Variants in ZNF704 observed in about 807,000 individuals in gnomAD.
The protein encoded by ZNF704 is zinc finger protein 704.
Under a neutral mutation model 44.7 loss-of-function variants are expected in ZNF704, and 10 were observed. The observed-to-expected ratio is 0.22, with a 90% CI of 0.14 to 0.38. ZNF704 has a LOEUF of 0.38. Ranked by LOEUF, ZNF704 falls within the 10% of genes least tolerant of loss-of-function variation. The pLI is 1.00. For missense variants in ZNF704, 390 were observed against 545.5 expected (o/e 0.71, Z 2.84); for synonymous variants, 211 against 207.6 (o/e 1.02, Z -0.14).
At chr8:80,745,216 G>A (rs1806824869) in intron 2 of ZNF704, among the ~76,000 whole-genome samples, 1 of 152,118 alleles carries the variant, frequency 6.6e-6, no homozygotes, top group Non-Finnish European at 1.5e-5. Flanking sequence ...TAATTCAGGA[G>A]CTAAATAGTT....
At chr8:80,685,552 G>C (rs1818521499) in intron 4 of ZNF704, among the ~76,000 whole-genome samples, 1 of 152,182 alleles carries the variant, frequency 6.6e-6, no homozygotes, top group African/African-American at 2.4e-5. Context: ...ACTGATACAA[G>C]TGCCAGCCTC....
chr8:80,687,142 G>T lies in ZNF704; in HGVS notation c.558+84C>A. On this transcript the variant is annotated intron_variant, in intron 4 of 8. Coordinates refer to ENST00000327835, the MANE Select transcript of ZNF704 (RefSeq NM_001033723.3). ...CACAGAAAGGGGGTGTAGGTCCAAGGTTAAGCTCACACCGGCCCTTCAGAG... is the reference window on the plus strand; with the variant it reads ...CACAGAAAGGGGGTGTAGGTCCAAGTTTAAGCTCACACCGGCCCTTCAGAG... 2.5e-6 allele frequency: 3 copies of T among 1,214,298 alleles called. No homozygotes were observed. In the Admixed American group the frequency reaches 5.9e-5, roughly 24 times the overall value. The allele number at this position is 1,214,298 out of a possible 1,614,324, so 75.2% of individuals were successfully genotyped here. A position where few individuals can be genotyped will look rare whatever the true frequency, so the allele number is the denominator to read the frequency against.
intron 2 of ZNF704, among the ~76,000 whole-genome samples, chr8:80,807,106 C>G (rs924373355): frequency 1.3e-5 from 2 of 152,164 alleles, no homozygotes; most frequent in Non-Finnish European, 2.9e-5. Context: ...AATACAGCAC[C>G]ATAATTCCAT....
chr8:80,717,133 G>A (rs1027454177), intron 2 of ZNF704, among the ~76,000 whole-genome samples: 1 of 152,180 alleles, frequency 6.6e-6, no homozygotes, highest in African/African-American at 2.4e-5. Context: ...GAAAATACAT[G>A]TGTGAAATGT....
chr8:80,725,041 C>T (rs1014778870), intron 2 of ZNF704, among the ~76,000 whole-genome samples: 3 of 152,290 alleles, frequency 2.0e-5, no homozygotes, highest in African/African-American at 7.2e-5. Context: ...TACCCCTTCA[C>T]CAAAGTGCAA....
intron 6 of ZNF704, among the ~76,000 whole-genome samples, chr8:80,663,774 T>A (rs1818140300): frequency 6.6e-6 from 1 of 152,172 alleles, no homozygotes; most frequent in Non-Finnish European, 1.5e-5. Context: ...TCACCCAGGC[T>A]GGAGTGCAGT....
chr8:80,751,681 A>C (rs908959009), intron 2 of ZNF704, among the ~76,000 whole-genome samples: 2 of 152,214 alleles, frequency 1.3e-5, no homozygotes, highest in African/African-American at 4.8e-5. Context: ...TTCAGCATCA[A>C]AAATCACTGT....
At chr8:80,737,023 C>A (rs1306277733) in intron 2 of ZNF704, among the ~76,000 whole-genome samples, 2 of 151,382 alleles carry the variant, frequency 1.3e-5, no homozygotes, top group African/African-American at 4.9e-5. Flanking sequence ...AATGGGAGGA[C>A]CAGAATATCA....
chr8:80,804,466 C>A (rs368613480), intron 2 of ZNF704, among the ~76,000 whole-genome samples: 2 of 152,040 alleles, frequency 1.3e-5, no homozygotes, highest in African/African-American at 4.8e-5. Context: ...AAATGTGATA[C>A]ATATATACCA....
At chr8:80,807,311 C>T (rs1184113248) in intron 2 of ZNF704, among the ~76,000 whole-genome samples, 1 of 152,054 alleles carries the variant, frequency 6.6e-6, no homozygotes, top group Non-Finnish European at 1.5e-5. Flanking sequence ...CCAGGGGCTG[C>T]TGCTTGTCAC....
chr8:80,873,456 C>T (rs1409286913), intron 1 of ZNF704: 6 of 152,014 alleles, frequency 3.9e-5, no homozygotes, highest in Non-Finnish European at 8.8e-5. Context: ...GCTGACCGTC[C>T]TCGGCCAGGC....
intron 2 of ZNF704, among the ~76,000 whole-genome samples, chr8:80,755,401 G>C: frequency 6.6e-6 from 1 of 152,164 alleles, no homozygotes; most frequent in East Asian, 1.9e-4. Context: ...ATAGCAGTGA[G>C]CCGAGATCGT....
At chr8:80,821,838 C>CA (rs1218779892) in intron 1 of ZNF704, among the ~76,000 whole-genome samples, 8 of 152,116 alleles carry the variant, frequency 5.3e-5, no homozygotes, top group Non-Finnish European at 1.0e-4. Context: ...CACAAACACA[C>CA]AAAAAAATGC....
chr8:80,704,069 T>C (rs1034723483), intron 2 of ZNF704, among the ~76,000 whole-genome samples: 1 of 152,212 alleles, frequency 6.6e-6, no homozygotes, highest in Admixed American at 6.5e-5. Flanking sequence ...TTTGTTCCAG[T>C]GTCTGTGATA....
At chr8:80,873,891 G>A (rs1176947501) in intron 1 of ZNF704, among the ~76,000 whole-genome samples, 1 of 145,508 alleles carries the variant, frequency 6.9e-6, no homozygotes, top group East Asian at 2.0e-4. Flanking sequence ...CAGCTCTCCG[G>A]GGCGGGCGCC....
intron 2 of ZNF704, among the ~76,000 whole-genome samples, chr8:80,709,880 G>A (rs1225477846): frequency 6.6e-6 from 1 of 152,208 alleles, no homozygotes; most frequent in Non-Finnish European, 1.5e-5. Flanking sequence ...CACAGTAGCA[G>A]CTTCGCTTGT....
intron 7 of ZNF704, among the ~76,000 whole-genome samples, chr8:80,658,312 C>T (rs2131603820): frequency 6.6e-6 from 1 of 151,498 alleles, no homozygotes; most frequent in South Asian, 2.1e-4. Context: ...CTGTGGCTGC[C>T]ATTTTAGGTT....
intron 7 of ZNF704, among the ~76,000 whole-genome samples, chr8:80,646,142 A>G (rs1817830305): frequency 6.6e-6 from 1 of 152,232 alleles, no homozygotes; most frequent in South Asian, 2.1e-4. Flanking sequence ...TACCCAGTCT[A>G]AGGTATTCTG....
chr8:80,874,629 C>CT lies in ZNF704; in HGVS notation c.-81dup, dbSNP rs896090416. 1.3e-5 allele frequency: 2 copies of CT among 151,082 alleles called. No individual in the cohort carries two copies. Among genetic ancestry groups the CT allele is most frequent in the Non-Finnish European group, 2.9e-5 (2 of 67,810 alleles). 9.4% of individuals were successfully genotyped at this position (151,082 alleles called of 1,614,324 possible). ...GTTGGCCCTGACACCAGGGCAAACG[C>CT]TTAACCGCAGCCCATTCTTCCCTCC... On this transcript the variant is annotated 5_prime_UTR_variant, in exon 1 of 9. It removes the in-frame stop codon of an upstream open reading frame in the 5' UTR. Coordinates refer to ENST00000327835, the MANE Select transcript of ZNF704 (RefSeq NM_001033723.3). This position sits in a 1 kb window ranked among gnomAD's most constrained non-coding sequence, Gnocchi z 4.4.
Sources: gnomAD v4.1 joint callset for allele counts (sites outside exome capture counted in the v4.1 genomes callset) on GRCh38, gnomAD v4.1.1 for gene constraint, Gnocchi (gnomAD v3.1) non-coding constraint, MANE v1.5 for transcripts, NCBI Gene and HGNC (gene_info 2026-07-23, HGNC 2026-07-21) for gene names.